The following CSMD1 variants were observed in gnomAD, a reference collection of about 807,000 sequenced individuals.
CSMD1 encodes the protein CUB and Sushi multiple domains 1.
A neutral mutation model predicts 417.5 loss-of-function variants in CSMD1; 213 were observed. That is an observed-to-expected ratio of 0.51 (90% CI 0.46 to 0.57). CSMD1 has a LOEUF of 0.57. Among genes scored for constraint, CSMD1 ranks in the 20% least tolerant of loss-of-function variants. The pLI is 0.00. For missense variants in CSMD1, 6,923 were observed against 4,529.7 expected (o/e 1.53, Z -15.17); for synonymous variants, 2,862 against 1,736.8 (o/e 1.65, Z -16.11).
rs1425492450 is a variant in CSMD1 at position 4,574,930 on chromosome 8, C to A, written c.302+62412G>T. 4.6e-5 allele frequency among the ~76,000 whole-genome samples: 7 copies of A among 152,154 alleles called. No individual in the cohort carries two copies. The East Asian group carries it at 9.6e-4, about 21-fold the overall frequency. The stretch of plus-strand genomic sequence containing the variant: ...CACACATATAATTTTGTTTTAATAT[C>A]TTTTAGATCAAGAACTATTCCTAAT... On this transcript the variant is annotated intron_variant, in intron 2 of 69. Coordinates refer to ENST00000635120, the MANE Select transcript of CSMD1 (RefSeq NM_033225.6).
chr8:4,908,045 A>G (rs1317127414), intron 1 of CSMD1, among the ~76,000 whole-genome samples: 1 of 152,150 alleles, frequency 6.6e-6, no homozygotes, highest in Non-Finnish European at 1.5e-5. Context: ...TGGAATGTAC[A>G]ATAGTTTTCC....
At chr8:3,350,376 C>A (rs996061852) in intron 21 of CSMD1, among the ~76,000 whole-genome samples, 2 of 151,590 alleles carry the variant, frequency 1.3e-5, no homozygotes, top group African/African-American at 2.4e-5. Context: ...TGTCAATAAA[C>A]CCCATTTACA....
Position 4,788,501 on chromosome 8 carries a change from G to T in CSMD1, c.86-150943C>A, listed in dbSNP as rs146333643. 1,487 of 1,365,372 alleles carry T rather than the reference G, an allele frequency of 1.1e-3. 16 individuals are homozygous for T. The African/African-American group carries it at 0.02, about 18-fold the overall frequency. The allele number at this position is 1,365,372 out of a possible 1,614,324, so 84.6% of individuals were successfully genotyped here. A position where few individuals can be genotyped will look rare whatever the true frequency, so the allele number is the denominator to read the frequency against. On this transcript the variant is annotated intron_variant, in intron 1 of 69. Transcript: ENST00000635120. ...GATATTTGGGGTAGACAACCATTTA[G>T]TATGGAGCAAACTGTGAGCAAGCAT...
At chr8:4,012,738 C>A (rs768635488) in intron 4 of CSMD1, among the ~76,000 whole-genome samples, 1 of 152,138 alleles carries the variant, frequency 6.6e-6, no homozygotes, top group African/African-American at 2.4e-5. Flanking sequence ...ACTAACTAGC[C>A]CTAAAATGGT....
intron 1 of CSMD1, among the ~76,000 whole-genome samples, chr8:4,959,579 C>G (rs569111892): frequency 1.3e-5 from 2 of 152,342 alleles, no homozygotes; most frequent in Admixed American, 1.3e-4. Context: ...CACCCGATAC[C>G]TATCTAACTG....
chr8:4,905,291 C>A (rs1327841187), intron 1 of CSMD1, among the ~76,000 whole-genome samples: 1 of 152,058 alleles, frequency 6.6e-6, no homozygotes, highest in South Asian at 2.1e-4. Context: ...TTAGGGTGCC[C>A]AGAGTCTAAT....
At chr8:3,637,254 T>C (rs1432410011) in intron 7 of CSMD1, among the ~76,000 whole-genome samples, 1 of 152,192 alleles carries the variant, frequency 6.6e-6, no homozygotes, top group Admixed American at 6.5e-5. Context: ...AATCCTTACC[T>C]AAAAACAGGT....
intron 12 of CSMD1, among the ~76,000 whole-genome samples, chr8:3,468,490 G>T (rs1202020444): frequency 6.6e-6 from 1 of 152,056 alleles, no homozygotes; most frequent in Non-Finnish European, 1.5e-5. Flanking sequence ...TTTATTTTGG[G>T]ATAATCAGAG....
At chr8:4,409,789 T>G (rs28758580) in intron 3 of CSMD1, among the ~76,000 whole-genome samples, 4,137 of 152,174 alleles carry the variant, frequency 0.027, 188 homozygotes, top group African/African-American at 0.094. Context: ...CATACATAAT[T>G]TGGAAGAAAT....
At chr8:4,207,955 T>G (rs753059366) in intron 3 of CSMD1, among the ~76,000 whole-genome samples, 2 of 152,112 alleles carry the variant, frequency 1.3e-5, no homozygotes, top group South Asian at 4.1e-4. Flanking sequence ...GAATTTATCT[T>G]TAGGCAATAT....
chr8:3,671,560 CATATATATATATATATAT>C (rs752837903), intron 7 of CSMD1, among the ~76,000 whole-genome samples: 3 of 6,504 alleles, frequency 4.6e-4, no homozygotes, highest in East Asian at 5.6e-3. Context: ...TATATATGAT[CATATATATATATATATAT>C]ATATATATAT....
chr8:4,013,532 C>T (rs1040239697), intron 4 of CSMD1, among the ~76,000 whole-genome samples: 1 of 152,186 alleles, frequency 6.6e-6, no homozygotes, highest in African/African-American at 2.4e-5. Flanking sequence ...GTCACCATAG[C>T]TCTTAATTAC....
intron 3 of CSMD1, among the ~76,000 whole-genome samples, chr8:4,228,920 G>T (rs926338070): frequency 6.6e-6 from 1 of 151,992 alleles, no homozygotes; most frequent in Admixed American, 6.6e-5. Flanking sequence ...GACTGCCTCG[G>T]TCTCCAAAAG....
At chr8:4,142,255 G>A (rs193023520) in intron 3 of CSMD1, among the ~76,000 whole-genome samples, 1 of 150,988 alleles carries the variant, frequency 6.6e-6, no homozygotes, top group East Asian at 1.9e-4. Context: ...AATACAACAG[G>A]GTTTTCCTTC....
At chr8:3,052,369 A>G (rs1420899196) in intron 50 of CSMD1, 93 bp downstream of exon 50, 1 of 825,854 alleles carries the variant, frequency 1.2e-6, no homozygotes, top group Non-Finnish European at 1.9e-6. Context: ...GGTGTGGGAG[A>G]GGACCTCTGA....
At chr8:4,033,742 G>A (rs1047769671) in intron 3 of CSMD1, among the ~76,000 whole-genome samples, 2 of 152,102 alleles carry the variant, frequency 1.3e-5, no homozygotes, top group Admixed American at 6.5e-5. Flanking sequence ...TTCAATAATG[G>A]GGTATTGATT....
chr8:4,367,527 G>C (rs988664014), intron 3 of CSMD1, among the ~76,000 whole-genome samples: 2 of 152,146 alleles, frequency 1.3e-5, no homozygotes, highest in African/African-American at 2.4e-5. Context: ...GCTCAGGACT[G>C]CTTTAGCTAA....
chr8:3,253,223 G>A (rs1800402944), intron 26 of CSMD1, among the ~76,000 whole-genome samples: 1 of 151,818 alleles, frequency 6.6e-6, no homozygotes, highest in African/African-American at 2.4e-5. Context: ...ATTCTGGTAT[G>A]TTGTGTCTTT....
chr8:3,265,676 T>A (rs536319929), intron 26 of CSMD1, among the ~76,000 whole-genome samples: 10 of 152,326 alleles, frequency 6.6e-5, no homozygotes, highest in African/African-American at 2.4e-4. Context: ...GCTAGGATTT[T>A]ATTCTAATAT....
Sources: gnomAD v4.1 joint callset for allele counts (sites outside exome capture counted in the v4.1 genomes callset) on GRCh38, gnomAD v4.1.1 for gene constraint, MANE v1.5 for transcripts, NCBI Gene and HGNC (gene_info 2026-07-23, HGNC 2026-07-21) for gene names.